Variants in MAST2 observed in about 807,000 individuals in gnomAD.
The protein encoded by MAST2 is microtubule associated serine/threonine kinase 2.
MAST2 carries 70 observed loss-of-function variants against 147.4 expected under a neutral mutation model. That is an observed-to-expected ratio of 0.47 (90% CI 0.39 to 0.58). The LOEUF (loss-of-function observed/expected upper bound fraction) is 0.58. MAST2 is among the 20% of genes least tolerant of loss of function. MAST2 has a pLI of 0.00. For missense variants in MAST2, 2,080 were observed against 2,302.3 expected, an observed-to-expected ratio of 0.90 and a Z score of 1.98; for synonymous variants, 869 against 896.8, an observed-to-expected ratio of 0.97 and a Z score of 0.55.
intron 7 of MAST2, among the ~76,000 whole-genome samples, chr1:46,005,098 C>T (rs1409996490): frequency 2.0e-5 from 3 of 152,202 alleles, no homozygotes; most frequent in Non-Finnish European, 4.4e-5. Flanking sequence ...CGCGGTGGCT[C>T]ACGCCTGTAA....
intron 1 of MAST2, among the ~76,000 whole-genome samples, chr1:45,806,763 G>A (rs1258564747): frequency 6.6e-6 from 1 of 152,184 alleles, no homozygotes; most frequent in African/African-American, 2.4e-5. Flanking sequence ...TTTTAGTGGA[G>A]ATGGGGTTTC....
rs867429300 is a variant in MAST2 at position 45,898,560 on chromosome 1, A to G, written c.500+16165A>G. Among the ~76,000 whole-genome samples, 13 of 152,116 alleles carry G rather than the reference A, an allele frequency of 8.5e-5. No individual in the cohort carries two copies. In the South Asian group the frequency reaches 2.3e-3, roughly 27 times the overall value. On this transcript the variant is annotated intron_variant, in intron 4 of 28. Coordinates refer to ENST00000361297, the MANE Select transcript of MAST2 (RefSeq NM_015112.3). ...TTTACTCTGAGAATTTTTATCTTCC[A>G]TGGGATAAGCAAAGCCCACTCCAGA...
intron 4 of MAST2, among the ~76,000 whole-genome samples, chr1:45,930,515 A>G (rs149628071): frequency 6.8e-4 from 104 of 152,242 alleles, no homozygotes; most frequent in African/African-American, 2.5e-3. Context: ...ATTCAACTGC[A>G]TACTAGGCCC....
In MAST2 at chr1:45,944,709, A is replaced by AGAGT. The variant is rs1432010935; in HGVS notation, c.501-14674_501-14671dup. On this transcript the variant is annotated intron_variant, in intron 4 of 28. Transcript: ENST00000361297. ...GCCTTCTCGTCTTCTCCTCCAACTC[A>AGAGT]GAGTGATTATTTTCTAGTCCCCTTG... Among the ~76,000 whole-genome samples, 3 of 152,238 alleles carry AGAGT rather than the reference A, an allele frequency of 2.0e-5. No homozygotes were observed. In the East Asian group the frequency reaches 5.8e-4, roughly 29 times the overall value.
At chr1:45,854,432 C>T (rs1415553045) in intron 3 of MAST2, among the ~76,000 whole-genome samples, 4 of 152,140 alleles carry the variant, frequency 2.6e-5, no homozygotes, top group African/African-American at 9.6e-5. Context: ...TCTGCCATTA[C>T]CACAATGTTT....
intron 3 of MAST2, among the ~76,000 whole-genome samples, chr1:45,882,109 G>A (rs1343454069): frequency 3.3e-5 from 5 of 149,954 alleles, no homozygotes; most frequent in African/African-American, 7.3e-5. Context: ...GGAGAAAGGC[G>A]TGAACCTGGG....
intron 4 of MAST2, among the ~76,000 whole-genome samples, chr1:45,890,877 A>C (rs1192384429): frequency 6.6e-6 from 1 of 152,238 alleles, no homozygotes; most frequent in African/African-American, 2.4e-5. Context: ...GAGCTACCAA[A>C]TTGTAAAATA....
chr1:45,979,950 C>T (rs145773983), intron 5 of MAST2, among the ~76,000 whole-genome samples: 29 of 152,264 alleles, frequency 1.9e-4, no homozygotes, highest in African/African-American at 6.3e-4. Flanking sequence ...GCATGTTCTC[C>T]CTTATATGTG....
rs748275024 is a variant in MAST2, at chr1:45,882,414, C to A, written c.500+19C>A. 14 of 1,597,264 alleles carry A rather than the reference C, an allele frequency of 8.8e-6. No homozygotes were observed. The highest frequency in any genetic ancestry group is 1.0e-5 in the Non-Finnish European group (12 of 1,165,224). ...GCAGCTTGTAAGTAGATGATTATTA[C>A]CATTATGATTATGATCTCCTACTTA... is the stretch of plus-strand genomic sequence containing the variant. On this transcript the variant is annotated intron_variant, in intron 4 of 28. Transcript: ENST00000361297.
chr1:45,860,161 A>G (rs1281680441), intron 3 of MAST2, among the ~76,000 whole-genome samples: 1 of 151,658 alleles, frequency 6.6e-6, no homozygotes, highest in African/African-American at 2.4e-5. Flanking sequence ...AGTTTGTGAC[A>G]AGCGTGGCCA....
At position 46,033,791 on chromosome 1, in the gene MAST2, C is replaced by G; in HGVS notation, c.3538-11C>G. On this transcript the variant is annotated splice_polypyrimidine_tract_variant and intron_variant, in intron 26 of 28. Coordinates refer to ENST00000361297, the MANE Select transcript of MAST2 (RefSeq NM_015112.3). ...TCCAGCTTAGCCTAGGCCTCATGCTCTGCTCCCCAGAGTGGAAACAAGGTG... is the reference window on the plus strand; with the variant it reads ...TCCAGCTTAGCCTAGGCCTCATGCTGTGCTCCCCAGAGTGGAAACAAGGTG... 6.2e-7 allele frequency: 1 copy of G among 1,613,808 alleles called. No individual in the cohort carries two copies. The highest frequency in any genetic ancestry group is 1.6e-4 in the Middle Eastern group (1 of 6,062).
chr1:45,997,878 T>C (rs1207604464), intron 6 of MAST2, 79 bp downstream of exon 6: 1 of 1,167,012 alleles, frequency 8.6e-7, no homozygotes, highest in East Asian at 2.3e-5. Context: ...AGATTCCTCC[T>C]TTAAGTGTCA....
At position 45,837,713 on chromosome 1, in the gene MAST2, A is replaced by G. The variant is rs546562325; in HGVS notation, c.468+8132A>G. 4.2e-4 allele frequency among the ~76,000 whole-genome samples: 64 copies of G among 152,342 alleles called. 1 individual carries two copies. The South Asian group carries it at 6.2e-3, about 15-fold the overall frequency. On this transcript the variant is annotated intron_variant, in intron 3 of 28. Transcript: ENST00000361297. ...ATAAGAAACTGCCAACCTGTTTTCTAAAGTGGCTATACCATTTTTGCATTT... is the reference window on the plus strand; with the variant it reads ...ATAAGAAACTGCCAACCTGTTTTCTGAAGTGGCTATACCATTTTTGCATTT...
chr1:45,898,183 C>A (rs936897222), intron 4 of MAST2, among the ~76,000 whole-genome samples: 3 of 152,080 alleles, frequency 2.0e-5, no homozygotes, highest in Non-Finnish European at 4.4e-5. Context: ...GTGCGCTCCT[C>A]CCCTGGTAAG....
At chr1:46,008,397 G>A (rs1166376481) in intron 9 of MAST2, 26 bp downstream of exon 9, 11 of 1,544,550 alleles carry the variant, frequency 7.1e-6, no homozygotes, top group Admixed American at 1.7e-5. Context: ...AAAGGAGAGT[G>A]GCAATACCCC....
chr1:45,984,755 A>T (rs534757755), intron 5 of MAST2, among the ~76,000 whole-genome samples: 1 of 152,144 alleles, frequency 6.6e-6, no homozygotes, highest in Non-Finnish European at 1.5e-5. Context: ...TGGGAGGCCA[A>T]CGCGGGAGGA....
At chr1:45,991,921 G>A (rs188130878) in intron 5 of MAST2, among the ~76,000 whole-genome samples, 1 of 151,802 alleles carries the variant, frequency 6.6e-6, no homozygotes, top group African/African-American at 2.4e-5. Flanking sequence ...TAGAAATGGG[G>A]TCTCACTATG....
At chr1:45,912,503 T>C (rs756200269) in intron 4 of MAST2, among the ~76,000 whole-genome samples, 2 of 152,228 alleles carry the variant, frequency 1.3e-5, no homozygotes, top group African/African-American at 4.8e-5. Context: ...ACTTCCTAAA[T>C]TGATATAATG....
chr1:46,010,313 C>T (rs1645660947), intron 9 of MAST2, among the ~76,000 whole-genome samples: 1 of 152,124 alleles, frequency 6.6e-6, no homozygotes, highest in Non-Finnish European at 1.5e-5. Flanking sequence ...AGAGGAGACA[C>T]AATATTTGAA....
Sources: allele counts gnomAD v4.1 joint callset (sites outside exome capture counted in the v4.1 genomes callset), GRCh38; gene constraint gnomAD v4.1.1; transcripts MANE v1.5; gene names NCBI Gene and HGNC (gene_info 2026-07-23, HGNC 2026-07-21).